CILK1: variants seen among roughly 807,000 people sequenced by gnomAD.
CILK1 encodes the protein ciliogenesis associated kinase 1, also known as serine/threonine-protein kinase ICK.
Under a neutral mutation model 79.2 loss-of-function variants are expected in CILK1, and 47 were observed. The ratio of observed to expected loss-of-function variants is 0.59; its 90% CI spans 0.47 to 0.76. CILK1 has a LOEUF of 0.76. Among genes scored for constraint, CILK1 ranks in the 30% least tolerant of loss-of-function variants. The probability of loss-of-function intolerance (pLI) is 0.00; values close to 1 mark genes in which losing one functional copy is unlikely to be tolerated. For synonymous variants in CILK1, 266 were observed against 275.9 expected, an observed-to-expected ratio of 0.96 and a Z score of 0.36; for missense variants, 660 against 769.5, an observed-to-expected ratio of 0.86 and a Z score of 1.68.
At chr6:53,038,321 T>A (rs1187676913) in intron 2 of CILK1, among the ~76,000 whole-genome samples, 2 of 152,182 alleles carry the variant, frequency 1.3e-5, no homozygotes, top group African/African-American at 2.4e-5. Flanking sequence ...CAGCAGAACT[T>A]TCTATATTGG....
Position 53,018,506 on chromosome 6 carries a change from A to G in CILK1, c.492-5T>C. ...AGTACTTCTGGAGCCCTGTACCTGG[A>G]GGAACAAAGGTTAACTGCTAGCTAT... On this transcript the variant is annotated splice_polypyrimidine_tract_variant and splice_region_variant and intron_variant, in intron 6 of 13. Coordinates refer to ENST00000676107, the MANE Select transcript of CILK1 (RefSeq NM_014920.5). 6.2e-7 allele frequency: 1 copy of G among 1,613,992 alleles called. No individual in the cohort carries two copies. Among genetic ancestry groups the G allele is most frequent in the South Asian group, 1.1e-5 (1 of 91,068 alleles).
chr6:53,057,532 A>G (rs1425557993), intron 1 of CILK1, among the ~76,000 whole-genome samples: 1 of 152,216 alleles, frequency 6.6e-6, no homozygotes, highest in Non-Finnish European at 1.5e-5. Flanking sequence ...GTTGGACATC[A>G]CACTTATAAT....
intron 5 of CILK1, among the ~76,000 whole-genome samples, chr6:53,028,883 T>C (rs1039601032): frequency 6.6e-6 from 1 of 152,062 alleles, no homozygotes; most frequent in Non-Finnish European, 1.5e-5. Flanking sequence ...CATGTGGGTA[T>C]GTGTACATGT....
chr6:53,004,860 A>G lies in CILK1; in HGVS notation c.*289T>C, dbSNP rs1302002104. 3.5e-6 allele frequency: 1 copy of G among 285,670 alleles called. No homozygotes were observed. The highest frequency in any genetic ancestry group is 4.7e-5 in the Admixed American group (1 of 21,092). 17.7% of individuals were successfully genotyped at this position (285,670 alleles called of 1,614,324 possible). A position where few individuals can be genotyped will look rare whatever the true frequency, so the allele number is the denominator to read the frequency against. On this transcript the variant is annotated 3_prime_UTR_variant, in exon 14 of 14. Coordinates refer to ENST00000676107, the MANE Select transcript of CILK1 (RefSeq NM_014920.5). ...AAAAGTTCATTACAAAGTTGACTGTATAAAATGCTAAAACATAATCCATAT... is the reference window on the plus strand; with the variant it reads ...AAAAGTTCATTACAAAGTTGACTGTGTAAAATGCTAAAACATAATCCATAT...
chr6:53,010,516 T>TGAG (rs1178639663), intron 11 of CILK1, among the ~76,000 whole-genome samples: 1 of 152,086 alleles, frequency 6.6e-6, no homozygotes, highest in Non-Finnish European at 1.5e-5. Context: ...TGAAGCAAAA[T>TGAG]CCAAATTTCT....
At chr6:53,018,569 A>T (rs1765030982) in intron 6 of CILK1, 68 bp from the exon 7 acceptor site, 3 of 1,458,590 alleles carry the variant, frequency 2.1e-6, no homozygotes, top group Non-Finnish European at 2.9e-6. Flanking sequence ...AATAACAATC[A>T]GTTCTCAGTG....
chr6:53,005,579 C>T (rs1764170404), intron 13 of CILK1, among the ~76,000 whole-genome samples: 1 of 152,126 alleles, frequency 6.6e-6, no homozygotes, highest in South Asian at 2.1e-4. Flanking sequence ...ATTTACAGAA[C>T]CTGGCAACTT....
chr6:53,039,884 A>C (rs578232510), intron 2 of CILK1, among the ~76,000 whole-genome samples: 1 of 152,290 alleles, frequency 6.6e-6, no homozygotes, highest in South Asian at 2.1e-4. Context: ...AGCAGTGGGA[A>C]TATACAGAAG....
chr6:53,018,164 G>A (rs1765000566), intron 7 of CILK1, among the ~76,000 whole-genome samples, 166 bp downstream of exon 7: 1 of 152,178 alleles, frequency 6.6e-6, no homozygotes, highest in Non-Finnish European at 1.5e-5. Context: ...AGGAGGAAGA[G>A]AAGCCGACCG....
chr6:53,022,994 C>T (rs1276013701), intron 5 of CILK1, among the ~76,000 whole-genome samples: 1 of 151,054 alleles, frequency 6.6e-6, no homozygotes, highest in Non-Finnish European at 1.5e-5. Flanking sequence ...AGTGCAGTGG[C>T]ACAATCTCAG....
chr6:53,002,649 A>C lies in CILK1; in HGVS notation c.*2500T>G, dbSNP rs574108836. The stretch of plus-strand genomic sequence containing the variant: ...GTAATTCACAGCATTTGCTAGTTAA[A>C]ATTTGTTTTTTCAGTCCTCTAGTTT... On this transcript the variant is annotated 3_prime_UTR_variant, in exon 14 of 14. Transcript: ENST00000676107. 4 of 152,272 alleles carry C rather than the reference A, an allele frequency of 2.6e-5. No individual in the cohort carries two copies. The highest frequency in any genetic ancestry group is 2.1e-4 in the South Asian group (1 of 4,820). The allele number at this position is 152,272 out of a possible 1,614,324, so 9.4% of individuals were successfully genotyped here. A position where few individuals can be genotyped will look rare whatever the true frequency, so the allele number is the denominator to read the frequency against.
chr6:53,019,985 G>A (rs1016176144), intron 5 of CILK1, among the ~76,000 whole-genome samples: 9 of 152,018 alleles, frequency 5.9e-5, no homozygotes, highest in African/African-American at 2.2e-4. Context: ...ATAACTGTCT[G>A]ATGGGAATTG....
At chr6:53,053,903 T>A (rs923667916) in intron 1 of CILK1, among the ~76,000 whole-genome samples, 20 of 152,146 alleles carry the variant, frequency 1.3e-4, no homozygotes, top group Non-Finnish European at 2.8e-4. Context: ...TTTGGTGGAA[T>A]TAGGGCATGG....
At chr6:53,011,154 G>C (rs1764545350) in intron 11 of CILK1, among the ~76,000 whole-genome samples, 1 of 152,116 alleles carries the variant, frequency 6.6e-6, no homozygotes, top group South Asian at 2.1e-4. Context: ...CTCCTACCCT[G>C]GTTTCCCTAT....
chr6:53,051,073 G>C (rs1183595676), intron 1 of CILK1, among the ~76,000 whole-genome samples: 1 of 152,120 alleles, frequency 6.6e-6, no homozygotes, highest in Non-Finnish European at 1.5e-5. Flanking sequence ...AGAAGACATG[G>C]ACACTGGATT....
intron 1 of CILK1, among the ~76,000 whole-genome samples, chr6:53,042,687 AC>A (rs1260150913): frequency 6.6e-6 from 1 of 152,260 alleles, no homozygotes; most frequent in South Asian, 2.1e-4. Context: ...ATGTAAAGTG[AC>A]TAGTATTCCT....
chr6:53,015,185 T>C (rs1391965806), intron 8 of CILK1, among the ~76,000 whole-genome samples: 1 of 152,216 alleles, frequency 6.6e-6, no homozygotes, highest in Non-Finnish European at 1.5e-5. Context: ...GAACATCTTC[T>C]CTGATTAGAA....
intron 5 of CILK1, among the ~76,000 whole-genome samples, chr6:53,027,889 T>G (rs1765677348): frequency 6.6e-6 from 1 of 152,000 alleles, no homozygotes; most frequent in Non-Finnish European, 1.5e-5. Flanking sequence ...GGCTCATGCC[T>G]GTAATCCCAG....
chr6:53,007,307 T>C (rs1369763880), intron 12 of CILK1, among the ~76,000 whole-genome samples: 2 of 152,062 alleles, frequency 1.3e-5, no homozygotes. Context: ...GCGTGAGGAG[T>C]TGCGTTGGTC....
Sources: allele counts gnomAD v4.1 joint callset (sites outside exome capture counted in the v4.1 genomes callset), GRCh38; gene constraint gnomAD v4.1.1; transcripts MANE v1.5; gene names NCBI Gene and HGNC (gene_info 2026-07-23, HGNC 2026-07-21).